Variants in SLC24A3 observed in about 807,000 individuals in gnomAD.
SLC24A3 encodes sodium/potassium/calcium exchanger 3.
A neutral mutation model predicts 75.8 loss-of-function variants in SLC24A3; 28 were observed. The ratio of observed to expected loss-of-function variants is 0.37; its 90% CI spans 0.27 to 0.51. SLC24A3 has a LOEUF of 0.51. Among genes scored for constraint, SLC24A3 ranks in the 20% least tolerant of loss-of-function variants. The pLI, the probability that SLC24A3 is intolerant of heterozygous loss-of-function variation, is 0.94. For synonymous variants in SLC24A3, 372 were observed against 334.1 expected, an observed-to-expected ratio of 1.11 and a Z score of -1.24; for missense variants, 663 against 847.8, an observed-to-expected ratio of 0.78 and a Z score of 2.71.
At chr20:19,473,057 C>T (rs557891022) in intron 2 of SLC24A3, among the ~76,000 whole-genome samples, 1 of 152,324 alleles carries the variant, frequency 6.6e-6, no homozygotes, top group South Asian at 2.1e-4. Context: ...ACAGAGGCCG[C>T]TATGCATCTG....
chr20:19,485,043 G>A (rs1988109724), intron 2 of SLC24A3, among the ~76,000 whole-genome samples: 1 of 152,184 alleles, frequency 6.6e-6, no homozygotes, highest in South Asian at 2.1e-4. Context: ...AATAGCATGG[G>A]ACTCAGGCAC....
chr20:19,639,933 G>A (rs1489790984), intron 6 of SLC24A3, among the ~76,000 whole-genome samples: 1 of 152,380 alleles, frequency 6.6e-6, no homozygotes, highest in African/African-American at 2.4e-5. Context: ...TCCGAGTGCG[G>A]GGGCTGCCAA....
chr20:19,389,919 T>G (rs1420224986), intron 2 of SLC24A3, among the ~76,000 whole-genome samples: 1 of 152,174 alleles, frequency 6.6e-6, no homozygotes, highest in Admixed American at 6.5e-5. Context: ...CTTTAAATTT[T>G]TGGTGGTGTT....
chr20:19,254,656 A>T lies in SLC24A3; in HGVS notation c.143-26303A>T, dbSNP rs138285723. 7.7e-3 allele frequency among the ~76,000 whole-genome samples: 1,179 copies of T among 152,300 alleles called. 15 individuals are homozygous for T. Among genetic ancestry groups the T allele is most frequent in the African/African-American group, 0.025 (1,028 of 41,564 alleles). On this transcript the variant is annotated intron_variant, in intron 1 of 16. Transcript: ENST00000328041. ...TCTGACTCATGCCTCTAGTGTGGGAAATCTGGTCAGGGTGGCCACACATGT... is the reference window on the plus strand; with the variant it reads ...TCTGACTCATGCCTCTAGTGTGGGATATCTGGTCAGGGTGGCCACACATGT...
intron 3 of SLC24A3, among the ~76,000 whole-genome samples, chr20:19,540,661 A>G (rs1220680717): frequency 6.6e-6 from 1 of 152,204 alleles, no homozygotes; most frequent in Non-Finnish European, 1.5e-5. Context: ...AGCCCAGGGG[A>G]GGCCCATTTC....
intron 3 of SLC24A3, among the ~76,000 whole-genome samples, chr20:19,541,035 T>C (rs2030486753): frequency 6.6e-6 from 1 of 152,234 alleles, no homozygotes; most frequent in Non-Finnish European, 1.5e-5. Flanking sequence ...GATGACGACT[T>C]GAAAGGCAAC....
At chr20:19,635,627 C>T (rs2031991050) in intron 6 of SLC24A3, among the ~76,000 whole-genome samples, 1 of 152,154 alleles carries the variant, frequency 6.6e-6, no homozygotes, top group African/African-American at 2.4e-5. Context: ...CTGGAGGTGA[C>T]GTGAATGACT....
chr20:19,325,795 T>TATATATAGAGAG (rs1251419875), intron 2 of SLC24A3, among the ~76,000 whole-genome samples: 108 of 67,774 alleles, frequency 1.6e-3, no homozygotes, highest in East Asian at 4.4e-3. Flanking sequence ...TATATATATA[T>TATATATAGAGAG]AGAGAGAGAG....
chr20:19,446,309 T>G (rs184743891), intron 2 of SLC24A3, among the ~76,000 whole-genome samples: 3 of 152,292 alleles, frequency 2.0e-5, no homozygotes, highest in African/African-American at 4.8e-5. Context: ...ATTTACAGAT[T>G]TAAAAACCAT....
At chr20:19,504,150 G>T (rs1264824472) in intron 2 of SLC24A3, among the ~76,000 whole-genome samples, 1 of 152,140 alleles carries the variant, frequency 6.6e-6, no homozygotes, top group Non-Finnish European at 1.5e-5. Flanking sequence ...ACATGAATGA[G>T]ACTAATTTTC....
intron 2 of SLC24A3, among the ~76,000 whole-genome samples, chr20:19,448,845 C>T (rs1304582777): frequency 6.6e-6 from 1 of 152,226 alleles, no homozygotes; most frequent in Non-Finnish European, 1.5e-5. Flanking sequence ...ACTCAACCCT[C>T]CATAAATTAT....
At chr20:19,300,580 G>A (rs764112569) in intron 2 of SLC24A3, among the ~76,000 whole-genome samples, 13 of 152,274 alleles carry the variant, frequency 8.5e-5, no homozygotes, top group Admixed American at 2.6e-4. Flanking sequence ...ATGCAGCCAC[G>A]GTGACTGATA....
intron 9 of SLC24A3, 125 bp downstream of exon 9, chr20:19,673,779 GGCTCCC>G: frequency 1.3e-6 from 1 of 748,544 alleles, no homozygotes; most frequent in Non-Finnish European, 2.3e-6. Flanking sequence ...ACAGTCACTT[GGCTCCC>G]TGCCAGACTG....
At chr20:19,263,711 C>G (rs976362663) in intron 1 of SLC24A3, among the ~76,000 whole-genome samples, 2 of 152,224 alleles carry the variant, frequency 1.3e-5, no homozygotes, top group South Asian at 4.1e-4. Context: ...ATCTTTCTTT[C>G]CATTCAACCT....
chr20:19,440,283 G>C lies in SLC24A3; in HGVS notation c.272-75205G>C, dbSNP rs543173776. ...ACTCACCTTATCTGTCAAACACCTA[G>C]TTGTCAAGTTAGGCGCTCTGTGGTG... On this transcript the variant is annotated intron_variant, in intron 2 of 16. Coordinates refer to ENST00000328041, the MANE Select transcript of SLC24A3 (RefSeq NM_020689.4). Among the ~76,000 whole-genome samples, 4 of 152,308 alleles carry C rather than the reference G, an allele frequency of 2.6e-5. No homozygotes were observed. In the East Asian group the frequency reaches 7.7e-4, roughly 29 times the overall value.
chr20:19,319,431 G>A (rs1019699381), intron 2 of SLC24A3, among the ~76,000 whole-genome samples: 1 of 152,192 alleles, frequency 6.6e-6, no homozygotes, highest in Non-Finnish European at 1.5e-5. Flanking sequence ...ACAGCAACTC[G>A]CCGCTGCTCA....
intron 2 of SLC24A3, among the ~76,000 whole-genome samples, chr20:19,365,223 CAAAG>C (rs1361811861): frequency 6.6e-6 from 1 of 152,150 alleles, no homozygotes; most frequent in African/African-American, 2.4e-5. Flanking sequence ...CAGAGTTTCT[CAAAG>C]AGAGTTTCCA....
At chr20:19,396,399 T>C (rs1244951669) in intron 2 of SLC24A3, among the ~76,000 whole-genome samples, 5 of 152,262 alleles carry the variant, frequency 3.3e-5, no homozygotes, top group Non-Finnish European at 4.4e-5. Context: ...GATAGTATCA[T>C]CAACATGAAG....
intron 12 of SLC24A3, among the ~76,000 whole-genome samples, chr20:19,690,587 G>A (rs921014228): frequency 4.6e-5 from 7 of 152,182 alleles, no homozygotes; most frequent in Non-Finnish European, 7.3e-5. Flanking sequence ...ATGGAAGGCC[G>A]TTGAGGGGAT....
Sources: gnomAD v4.1 joint callset for allele counts (sites outside exome capture counted in the v4.1 genomes callset) on GRCh38, gnomAD v4.1.1 for gene constraint, MANE v1.5 for transcripts, NCBI Gene and HGNC (gene_info 2026-07-23, HGNC 2026-07-21) for gene names.